Variants in HERC1 observed in about 807,000 individuals in gnomAD.
The protein encoded by HERC1 is HECT and RLD domain containing E3 ubiquitin protein ligase family member 1.
A neutral mutation model predicts 554.3 loss-of-function variants in HERC1; 160 were observed. That is an observed-to-expected ratio of 0.29 (90% CI 0.25 to 0.33). The LOEUF (loss-of-function observed/expected upper bound fraction) is 0.33. HERC1 is among the 10% of genes least tolerant of loss of function. The probability of loss-of-function intolerance (pLI) is 1.00; values close to 1 mark genes in which losing one functional copy is unlikely to be tolerated. For synonymous variants in HERC1, 2,175 were observed against 2,131.7 expected (o/e 1.02, Z -0.56); for missense variants, 4,919 against 5,918.5 (o/e 0.83, Z 5.54).
intron 60 of HERC1, 46 bp from the exon 61 acceptor site, chr15:63,640,491 A>C: frequency 6.9e-7 from 1 of 1,458,038 alleles, no homozygotes; most frequent in Non-Finnish European, 9.5e-7. Context: ...GTTTGTGCCA[A>C]ATATTCTAAA....
In HERC1 at chr15:63,825,336, T is replaced by C. The variant is rs188144597; in HGVS notation, c.-27+8491A>G. 2.3e-3 allele frequency among the ~76,000 whole-genome samples: 356 copies of C among 152,280 alleles called. 1 individual carries two copies. Among genetic ancestry groups the C allele is most frequent in the African/African-American group, 8.1e-3 (336 of 41,546 alleles). On this transcript the variant is annotated intron_variant, in intron 1 of 77. Coordinates refer to ENST00000443617, the MANE Select transcript of HERC1 (RefSeq NM_003922.4). The stretch of plus-strand genomic sequence containing the variant: ...AAGTTAGCAAGAGCAATATAATTAA[T>C]ATTAGCATATTATATACCAGAAATT...
At chr15:63,653,334 G>T (rs2069811343) in intron 51 of HERC1, among the ~76,000 whole-genome samples, 2 of 151,962 alleles carry the variant, frequency 1.3e-5, no homozygotes, top group African/African-American at 2.4e-5. Context: ...TCCCAGCTAT[G>T]CGGGAGGCTG....
intron 76 of HERC1, among the ~76,000 whole-genome samples, chr15:63,615,329 C>A (rs1039637733): frequency 4.6e-5 from 7 of 152,220 alleles, no homozygotes; most frequent in Non-Finnish European, 8.8e-5. Context: ...AAAGGAATCA[C>A]CAAGTGCGGT....
intron 19 of HERC1, among the ~76,000 whole-genome samples, chr15:63,722,512 T>C (rs1404140759): frequency 6.6e-6 from 1 of 152,186 alleles, no homozygotes; most frequent in Non-Finnish European, 1.5e-5. Context: ...GGTCCAAAAA[T>C]ATTAAATGGA....
At chr15:63,637,234 T>G in intron 64 of HERC1, 2 of 521,280 alleles carry the variant, frequency 3.8e-6, no homozygotes, top group South Asian at 1.7e-5. Context: ...CTTACACTTT[T>G]GCAATTTTTA....
intron 3 of HERC1, among the ~76,000 whole-genome samples, chr15:63,759,640 A>C (rs1159874574): frequency 6.6e-6 from 1 of 152,238 alleles, no homozygotes; most frequent in Non-Finnish European, 1.5e-5. Flanking sequence ...ATTAGAACTT[A>C]ATAGATTTTT....
chr15:63,758,423 A>AT lies in HERC1; in HGVS notation c.1027-55dup. 1 of 1,279,216 alleles carries AT rather than the reference A, an allele frequency of 7.8e-7. No homozygotes were observed. The highest frequency in any genetic ancestry group is 1.9e-4 in the Middle Eastern group (1 of 5,222). The allele number at this position is 1,279,216 out of a possible 1,614,324, so 79.2% of individuals were successfully genotyped here. ...TAGTCAAGACAGTTTTAGTCTGGGC[A>AT]TTTTTTATACATATCCTCTGAAATT... is the stretch of plus-strand genomic sequence containing the variant. On this transcript the variant is annotated intron_variant, in intron 3 of 77. Transcript: ENST00000443617. The surrounding 1 kb of genome is among the most constrained non-coding windows in gnomAD (Gnocchi z 4.0).
chr15:63,718,824 C>T lies in HERC1; in HGVS notation c.3816G>A (p.Leu1272=). 1 of 1,613,738 alleles carries T rather than the reference C, an allele frequency of 6.2e-7. No homozygotes were observed. Among genetic ancestry groups the T allele is most frequent in the Non-Finnish European group, 8.5e-7 (1 of 1,179,708 alleles). The change falls in exon 20 of 78, where the codon CTG becomes CTA. Residue 1272 remains leucine, a synonymous_variant. Transcript: ENST00000443617. This position sits in a 1 kb window ranked among gnomAD's most constrained non-coding sequence, Gnocchi z 4.2. ...CTTGACTAAGTAAATTTGTGTGTTT[C>T]AGAAGAGCTGCAAGAACAAATCTAG... is the stretch of plus-strand genomic sequence containing the variant. ...TVSRFVLAAL[L]KHTNLLSQAC...
chr15:63,698,781 T>C lies in HERC1; in HGVS notation c.4852A>G (p.Thr1618Ala), dbSNP rs1479654905. 8 of 1,613,834 alleles carry C rather than the reference T, an allele frequency of 5.0e-6. No homozygotes were observed. Among genetic ancestry groups the C allele is most frequent in the African/African-American group, 2.7e-5 (2 of 74,936 alleles). Residue 1618 changes from threonine to alanine, a missense_variant, in exon 26 of 78, where the codon ACA (threonine) becomes GCA (alanine). Transcript: ENST00000443617. ...GFKEPEESMS[T>A]SPQASIIAME... The stretch of plus-strand genomic sequence containing the variant: ...GCAATGATGGAGGCCTGGGGACTTG[T>C]AGACATACTTTCCTCTGGCTCTTTA...
Position 63,796,481 on chromosome 15 carries a change from C to T in HERC1, c.-26-20832G>A, listed in dbSNP as rs571001959. Among the ~76,000 whole-genome samples, 7 of 152,290 alleles carry T rather than the reference C, an allele frequency of 4.6e-5. No homozygotes were observed. In the East Asian group the frequency reaches 9.6e-4, roughly 21 times the overall value. On this transcript the variant is annotated intron_variant, in intron 1 of 77. Coordinates refer to ENST00000443617, the MANE Select transcript of HERC1 (RefSeq NM_003922.4). ...CCATTTCGCTTCTAACCTCCATCAT[C>T]GATCATTCCGGGGTGTAGACTGTAA...
chr15:63,753,244 T>A (rs551721787), intron 7 of HERC1, among the ~76,000 whole-genome samples, 159 bp from the exon 8 acceptor site: 1 of 152,204 alleles, frequency 6.6e-6, no homozygotes, highest in Non-Finnish European at 1.5e-5. Context: ...CAAACGAGCA[T>A]TTTTATTACA....
chr15:63,699,053 G>A, intron 25 of HERC1, 57 bp from the exon 26 acceptor site: 1 of 1,465,312 alleles, frequency 6.8e-7, no homozygotes, highest in Non-Finnish European at 9.3e-7. Flanking sequence ...CATACATTCT[G>A]AAACTAGATA....
chr15:63,723,677 C>G (rs1406770268), intron 18 of HERC1, among the ~76,000 whole-genome samples: 1 of 152,174 alleles, frequency 6.6e-6, no homozygotes, highest in African/African-American at 2.4e-5. Flanking sequence ...AAATGTCCTA[C>G]ACGTGCAATG....
chr15:63,808,764 A>G (rs1236804302), intron 1 of HERC1, among the ~76,000 whole-genome samples: 8 of 152,222 alleles, frequency 5.3e-5, no homozygotes, highest in Non-Finnish European at 1.0e-4. Context: ...CACAAAGCAG[A>G]CACTAGATGT....
chr15:63,763,096 TA>T lies in HERC1; in HGVS notation c.1026+999del, dbSNP rs1245523025. Among the ~76,000 whole-genome samples the T allele has an allele frequency of 7.2e-5, 11 of 152,316 alleles. No homozygotes were observed. The South Asian group carries it at 1.9e-3, about 26-fold the overall frequency. The stretch of plus-strand genomic sequence containing the variant: ...CTCAGGGCCTTTGTGGGCTCCACAA[TA>T]GCCATGGCCCCCTGGTGTCCCACCT... On this transcript the variant is annotated intron_variant, in intron 3 of 77. Coordinates refer to ENST00000443617, the MANE Select transcript of HERC1 (RefSeq NM_003922.4).
chr15:63,766,417 G>C (rs1486447407), intron 2 of HERC1, among the ~76,000 whole-genome samples: 1 of 151,942 alleles, frequency 6.6e-6, no homozygotes, highest in East Asian at 1.9e-4. Context: ...GTAAAACCTT[G>C]TCTCTACTAA....
chr15:63,675,297 G>C, intron 37 of HERC1, 180 bp from the exon 38 acceptor site: 1 of 497,880 alleles, frequency 2.0e-6, no homozygotes, highest in Non-Finnish European at 3.5e-6. Context: ...AGAAAATGGG[G>C]AGATGTGATA....
rs750837391 is a variant in HERC1, at chr15:63,642,944, A to C, written c.11433+13T>G. 1.4e-6 allele frequency: 2 copies of C among 1,454,720 alleles called. No homozygotes were observed. Among genetic ancestry groups the C allele is most frequent in the Non-Finnish European group, 1.9e-6 (2 of 1,036,386 alleles). The allele number at this position is 1,454,720 out of a possible 1,614,324, so 90.1% of individuals were successfully genotyped here. ...AGCTTACACCCTATCATTTGATATAACTACAATATTACCTTTGATCTATTT... is the reference window on the plus strand; with the variant it reads ...AGCTTACACCCTATCATTTGATATACCTACAATATTACCTTTGATCTATTT... On this transcript the variant is annotated intron_variant, in intron 59 of 77. Coordinates refer to ENST00000443617, the MANE Select transcript of HERC1 (RefSeq NM_003922.4).
chr15:63,719,714 G>T (rs908957994), intron 19 of HERC1, among the ~76,000 whole-genome samples: 4 of 152,222 alleles, frequency 2.6e-5, no homozygotes, highest in African/African-American at 9.6e-5. Context: ...CATGCATTTT[G>T]AAGGCAGAAT....
Sources: gnomAD v4.1 joint callset for allele counts (sites outside exome capture counted in the v4.1 genomes callset) on GRCh38, gnomAD v4.1.1 for gene constraint, Gnocchi (gnomAD v3.1) non-coding constraint, MANE v1.5 for transcripts, NCBI Gene and HGNC (gene_info 2026-07-23, HGNC 2026-07-21) for gene names.